PPFIA2: variants seen among roughly 807,000 people sequenced by gnomAD.
PPFIA2 encodes liprin-alpha-2.
In PPFIA2, 46 loss-of-function variants were observed where a neutral mutation model predicts 175.5. The observed-to-expected ratio is 0.26, with a 90% CI of 0.21 to 0.34. The LOEUF (loss-of-function observed/expected upper bound fraction) is 0.34, where lower values mean the gene tolerates loss of function less well. PPFIA2 is among the 10% of genes least tolerant of loss of function. PPFIA2 has a pLI of 1.00. For synonymous variants in PPFIA2, 568 were observed against 511.4 expected (o/e 1.11, Z -1.49); for missense variants, 1,179 against 1,506.1 (o/e 0.78, Z 3.60).
At position 81,420,662 on chromosome 12, in the gene PPFIA2, T is replaced by C. The variant is rs146001326; in HGVS notation, c.646-14759A>G. 8.6e-5 allele frequency among the ~76,000 whole-genome samples: 13 copies of C among 152,014 alleles called. 1 individual carries two copies. The East Asian group carries it at 2.5e-3, about 29-fold the overall frequency. On this transcript the variant is annotated intron_variant, in intron 7 of 32. Transcript: ENST00000549396. ...GAAAAAAAGGGAAGAAAGCCTATCA[T>C]ATCTATGGAACACCATCAAGTGGGC...
Position 81,358,122 on chromosome 12 carries a change from G to A in PPFIA2, c.1733C>T (p.Pro578Leu). The A allele has an allele frequency of 6.2e-7, 1 of 1,604,146 alleles. No homozygotes were observed. The highest frequency in any genetic ancestry group is 8.5e-7 in the Non-Finnish European group (1 of 1,175,000). The change falls in exon 16 of 33, where the codon CCA (proline) becomes CTA (leucine). Residue 578 changes from proline (P) to leucine (L), a missense_variant. Pro to Leu is a moderately conservative substitution (Grantham distance 98). This residue lies in a region of PPFIA2 where 186 missense variants were observed against 163.6 expected (regional missense o/e 1.14). Coordinates refer to ENST00000549396, the MANE Select transcript of PPFIA2 (RefSeq NM_003625.5). ...TCGCACACCCATGCGGCCTCTCCTT[G>A]GTCTTCTTATTACTTTAGTTGTTCT... ...DYRTTKVIRR[P>L]RRGRMGVRRD...
intron 22 of PPFIA2, among the ~76,000 whole-genome samples, chr12:81,320,659 T>C (rs953259468): frequency 6.6e-6 from 1 of 152,062 alleles, no homozygotes; most frequent in South Asian, 2.1e-4. Flanking sequence ...AATTATATAA[T>C]GTTACGAGGC....
chr12:81,703,267 A>C (rs963192116), intron 3 of PPFIA2, among the ~76,000 whole-genome samples: 3 of 152,096 alleles, frequency 2.0e-5, no homozygotes, highest in African/African-American at 7.2e-5. Flanking sequence ...CATCTCACAG[A>C]CACCTCATAC....
chr12:81,629,608 A>T (rs547649458), intron 4 of PPFIA2, among the ~76,000 whole-genome samples: 1 of 152,292 alleles, frequency 6.6e-6, no homozygotes, highest in South Asian at 2.1e-4. Context: ...AAATAGAAAC[A>T]AGGATGAAAC....
intron 4 of PPFIA2, chr12:81,676,518 A>G: frequency 8.8e-6 from 2 of 226,328 alleles, no homozygotes; most frequent in Admixed American, 5.7e-5. Flanking sequence ...AGTTAGTAGA[A>G]CATAAATTAC....
chr12:81,644,531 T>A (rs980246873), intron 4 of PPFIA2, among the ~76,000 whole-genome samples: 1 of 152,184 alleles, frequency 6.6e-6, no homozygotes, highest in South Asian at 2.1e-4. Context: ...AGTCATAACA[T>A]GAAAAACTGA....
intron 26 of PPFIA2, chr12:81,282,763 GAGAA>G (rs2137058091): frequency 9.8e-6 from 3 of 305,792 alleles, no homozygotes; most frequent in African/African-American, 2.2e-5. Flanking sequence ...TCATTCTTTT[GAGAA>G]AGAAAGAAAA....
rs1263259119 is a variant in PPFIA2, at chr12:81,431,304, C to T, written c.645+8668G>A. On this transcript the variant is annotated intron_variant, in intron 7 of 32. Coordinates refer to ENST00000549396, the MANE Select transcript of PPFIA2 (RefSeq NM_003625.5). ...TTGTTAGGATGTAATCTATTTATTA[C>T]CCCTTGTACTTCCCTTTATTGTGCT... 7 of 152,270 alleles carry T rather than the reference C, an allele frequency of 4.6e-5. No individual in the cohort carries two copies. The East Asian group carries it at 1.3e-3, about 29-fold the overall frequency. 9.4% of individuals were successfully genotyped at this position (152,270 alleles called of 1,614,324 possible). A position where few individuals can be genotyped will look rare whatever the true frequency, so the allele number is the denominator to read the frequency against.
At position 81,554,190 on chromosome 12, in the gene PPFIA2, C is replaced by A. The variant is rs549561305; in HGVS notation, c.304-96324G>T. Among the ~76,000 whole-genome samples, 3 of 152,028 alleles carry A rather than the reference C, an allele frequency of 2.0e-5. No homozygotes were observed. The South Asian group carries it at 6.2e-4, about 32-fold the overall frequency. The stretch of plus-strand genomic sequence containing the variant: ...TGGCAACAGTAGGAAGAAGGGGATA[C>A]AAGTGATGTCAAGATTTACCTAGGA... On this transcript the variant is annotated intron_variant, in intron 4 of 32. Transcript: ENST00000549396.
At chr12:81,359,066 A>G (rs1355663253) in intron 15 of PPFIA2, among the ~76,000 whole-genome samples, 1 of 152,106 alleles carries the variant, frequency 6.6e-6, no homozygotes, top group Non-Finnish European at 1.5e-5. Context: ...TATTGTTACA[A>G]TAATGATGAT....
chr12:81,375,115 T>A (rs17246160), intron 10 of PPFIA2, among the ~76,000 whole-genome samples: 13,364 of 152,070 alleles, frequency 0.088, 824 homozygotes, highest in Middle Eastern at 0.16. Flanking sequence ...AGACTGGAGT[T>A]GGAGAGGTAA....
intron 4 of PPFIA2, among the ~76,000 whole-genome samples, chr12:81,523,725 C>T (rs990417388): frequency 9.9e-5 from 15 of 152,064 alleles, no homozygotes; most frequent in Middle Eastern, 3.2e-3. Context: ...GCTTAGAACA[C>T]GAAAATTTTC....
intron 4 of PPFIA2, among the ~76,000 whole-genome samples, chr12:81,649,883 G>A (rs1348006867): frequency 6.6e-6 from 1 of 152,176 alleles, no homozygotes; most frequent in East Asian, 1.9e-4. Flanking sequence ...ATTAGTGTCA[G>A]TATAGTCTGA....
At chr12:81,665,681 G>T (rs2070064964) in intron 4 of PPFIA2, among the ~76,000 whole-genome samples, 1 of 151,988 alleles carries the variant, frequency 6.6e-6, no homozygotes, top group Non-Finnish European at 1.5e-5. Context: ...TCTTGTAAAA[G>T]ATCCTGTTTT....
At chr12:81,285,622 G>A (rs2137224736) in intron 24 of PPFIA2, among the ~76,000 whole-genome samples, 1 of 152,120 alleles carries the variant, frequency 6.6e-6, no homozygotes, top group South Asian at 2.1e-4. Flanking sequence ...CTGTCACCTA[G>A]TGATATCAGA....
chr12:81,628,223 T>C (rs896702882), intron 4 of PPFIA2, among the ~76,000 whole-genome samples: 3 of 152,108 alleles, frequency 2.0e-5, no homozygotes, highest in Non-Finnish European at 4.4e-5. Context: ...ACCTCTATCA[T>C]CAAAGATGGA....
chr12:81,272,504 C>A (rs1006994052), intron 28 of PPFIA2, among the ~76,000 whole-genome samples: 11 of 152,090 alleles, frequency 7.2e-5, no homozygotes, highest in African/African-American at 2.7e-4. Context: ...CTTTTCACTT[C>A]TTCAAATTTC....
At chr12:81,320,892 T>G (rs2139589992) in intron 22 of PPFIA2, among the ~76,000 whole-genome samples, 1 of 152,068 alleles carries the variant, frequency 6.6e-6, no homozygotes, top group South Asian at 2.1e-4. Context: ...GAAAATTGAG[T>G]GTAGAAATGT....
At chr12:81,642,679 GTATCTATTATATACATACATGTATA>G (rs2065208246) in intron 4 of PPFIA2, among the ~76,000 whole-genome samples, 1 of 91,564 alleles carries the variant, frequency 1.1e-5, no homozygotes, top group Non-Finnish European at 2.4e-5. Context: ...ATACATGTAT[GTATCTATTATATACATACATGTATA>G]TGTATGTATG....
Sources: gnomAD v4.1 joint callset for allele counts (sites outside exome capture counted in the v4.1 genomes callset) on GRCh38, gnomAD v4.1.1 for gene constraint, gnomAD v4.1.1 regional missense constraint, MANE v1.5 for transcripts, NCBI Gene and HGNC (gene_info 2026-07-23, HGNC 2026-07-21) for gene names.